The following CAPRIN1 variants were observed in gnomAD, a reference collection of about 807,000 sequenced individuals.
The protein encoded by CAPRIN1 is cell cycle associated protein 1, also known as caprin-1.
Under a neutral mutation model 100.9 loss-of-function variants are expected in CAPRIN1, and 29 were observed. The ratio of observed to expected loss-of-function variants is 0.29; its 90% CI spans 0.21 to 0.39. CAPRIN1 has a LOEUF of 0.39. Ranked by LOEUF, CAPRIN1 falls within the 10% of genes least tolerant of loss-of-function variation. CAPRIN1 has a pLI of 1.00. For synonymous variants in CAPRIN1, 338 were observed against 307.5 expected, an observed-to-expected ratio of 1.10 and a Z score of -1.04; for missense variants, 795 against 876.7, an observed-to-expected ratio of 0.91 and a Z score of 1.18.
intron 2 of CAPRIN1, among the ~76,000 whole-genome samples, chr11:34,062,156 C>G (rs1309406733): frequency 6.6e-6 from 1 of 152,094 alleles, no homozygotes. Context: ...CTTTTGCTTA[C>G]TATCTTTTTT....
intron 4 of CAPRIN1, among the ~76,000 whole-genome samples, chr11:34,073,789 CA>C (rs1378705355): frequency 6.6e-6 from 1 of 151,844 alleles, no homozygotes; most frequent in Non-Finnish European, 1.5e-5. Context: ...TTGCTGAAAA[CA>C]AAAAAAGTAA....
Position 34,082,803 on chromosome 11 carries a change from GCAC to G in CAPRIN1, c.827-19_827-17del. 1 of 1,606,546 alleles carries G rather than the reference GCAC, an allele frequency of 6.2e-7. No individual in the cohort carries two copies. On this transcript the variant is annotated intron_variant, in intron 7 of 18. Transcript: ENST00000341394. The stretch of plus-strand genomic sequence containing the variant: ...ACTGACCTAAAAATCCTTTTGTTTT[GCAC>G]CATTTTTTAACCTCTTAGAACCTGA...
At chr11:34,096,816 A>C (rs935853030) in intron 16 of CAPRIN1, 143 bp downstream of exon 16, 2 of 618,454 alleles carry the variant, frequency 3.2e-6, no homozygotes, top group Non-Finnish European at 5.5e-6. Flanking sequence ...ATATTTTGGT[A>C]CAATTTGTGT....
At chr11:34,090,154 C>CT (rs781309870) in intron 12 of CAPRIN1, 25 bp from the exon 13 acceptor site, 3 of 1,471,942 alleles carry the variant, frequency 2.0e-6, no homozygotes, top group Non-Finnish European at 2.8e-6. Flanking sequence ...CAGGAAGAAG[C>CT]TTTTATTTCT....
intron 2 of CAPRIN1, among the ~76,000 whole-genome samples, chr11:34,057,562 A>G (rs528428148): frequency 7.0e-4 from 107 of 152,328 alleles, no homozygotes; most frequent in African/African-American, 2.4e-3. Context: ...TTAGGGCTAG[A>G]TGAAGACTAG....
chr11:34,076,740 T>G (rs1439772172), intron 6 of CAPRIN1, 98 bp downstream of exon 6: 7 of 863,888 alleles, frequency 8.1e-6, no homozygotes, highest in Non-Finnish European at 1.3e-5. Context: ...AAATTAGTTT[T>G]TTTTTTTTTT....
intron 12 of CAPRIN1, among the ~76,000 whole-genome samples, 197 bp downstream of exon 12, chr11:34,089,653 C>T (rs1851226109): frequency 6.6e-6 from 1 of 152,004 alleles, no homozygotes; most frequent in African/African-American, 2.4e-5. Flanking sequence ...TTAATTGGTT[C>T]CTTGGTTTCT....
chr11:34,068,084 C>G (rs532133048), intron 2 of CAPRIN1, among the ~76,000 whole-genome samples: 1 of 152,054 alleles, frequency 6.6e-6, no homozygotes, highest in African/African-American at 2.4e-5. Flanking sequence ...CTGGGGGCCT[C>G]GTGGGAAGAC....
At chr11:34,063,949 G>A (rs1260385541) in intron 2 of CAPRIN1, among the ~76,000 whole-genome samples, 1 of 151,954 alleles carries the variant, frequency 6.6e-6, no homozygotes, top group African/African-American at 2.4e-5. Flanking sequence ...TGTATTTTTA[G>A]TAGAGACGGG....
intron 2 of CAPRIN1, among the ~76,000 whole-genome samples, chr11:34,069,895 G>C (rs1198088100): frequency 8.2e-6 from 1 of 121,682 alleles, no homozygotes; most frequent in African/African-American, 3.1e-5. Flanking sequence ...AAAGAAAATA[G>C]ATCATTTGAC....
intron 15 of CAPRIN1, among the ~76,000 whole-genome samples, chr11:34,094,124 G>A (rs1477566255): frequency 4.6e-5 from 7 of 152,152 alleles, no homozygotes; most frequent in Non-Finnish European, 2.9e-5. Flanking sequence ...AGGCTGAGGT[G>A]GCAGGATTGC....
chr11:34,087,968 A>T (rs1851182486), intron 11 of CAPRIN1, among the ~76,000 whole-genome samples: 1 of 152,134 alleles, frequency 6.6e-6, no homozygotes, highest in African/African-American at 2.4e-5. Context: ...ATGCATGCTG[A>T]GTTGAATATA....
Position 34,099,807 on chromosome 11 carries a change from G to A in CAPRIN1, c.*440G>A. 1 of 159,250 alleles carries A rather than the reference G, an allele frequency of 6.3e-6. No individual in the cohort carries two copies. The highest frequency in any genetic ancestry group is 1.4e-5 in the Non-Finnish European group (1 of 72,136). The allele number at this position is 159,250 out of a possible 1,614,324, so 9.9% of individuals were successfully genotyped here. On this transcript the variant is annotated 3_prime_UTR_variant, in exon 19 of 19. Coordinates refer to ENST00000341394, the MANE Select transcript of CAPRIN1 (RefSeq NM_005898.5). Reference sequence around the variant, plus strand: ...CCCTAGAAAGGAAGATGAAAGGAGTGGAGTGTGGTTTGGCAGAACAACTGC... The same window carrying A: ...CCCTAGAAAGGAAGATGAAAGGAGTAGAGTGTGGTTTGGCAGAACAACTGC...
At chr11:34,054,375 C>G (rs1237189578) in intron 2 of CAPRIN1, among the ~76,000 whole-genome samples, 3 of 152,026 alleles carry the variant, frequency 2.0e-5, no homozygotes, top group Non-Finnish European at 4.4e-5. Context: ...TGCCCAAGGC[C>G]AGTATCTTCT....
intron 9 of CAPRIN1, among the ~76,000 whole-genome samples, chr11:34,085,238 C>G (rs1046311444): frequency 6.6e-6 from 1 of 152,030 alleles, no homozygotes; most frequent in African/African-American, 2.4e-5. Context: ...TGGGAAAAGG[C>G]TAATAGAGTG....
chr11:34,085,388 A>G (rs1851118582), intron 9 of CAPRIN1, among the ~76,000 whole-genome samples: 1 of 152,256 alleles, frequency 6.6e-6, no homozygotes, highest in Non-Finnish European at 1.5e-5. Flanking sequence ...CCAGGTTGTG[A>G]GATAGATATA....
chr11:34,069,659 A>ATTT (rs1554969447), intron 2 of CAPRIN1, among the ~76,000 whole-genome samples: 1 of 151,756 alleles, frequency 6.6e-6, no homozygotes, highest in Admixed American at 6.6e-5. Context: ...GTAAAAAAAA[A>ATTT]TTTTTTTCCC....
In CAPRIN1 at chr11:34,069,232, C is replaced by G. The variant is rs559254359; in HGVS notation, c.217-2494C>G. Among the ~76,000 whole-genome samples the G allele has an allele frequency of 8.6e-5, 13 of 151,236 alleles. No homozygotes were observed. In the East Asian group the frequency reaches 2.5e-3, roughly 29 times the overall value. ...TGGCATGATCTCAGCTCTCTGCAAC[C>G]TCTGCCTCCCGGGTTCAAGCGATTC... On this transcript the variant is annotated intron_variant, in intron 2 of 18. Coordinates refer to ENST00000341394, the MANE Select transcript of CAPRIN1 (RefSeq NM_005898.5).
At chr11:34,062,642 A>G (rs1005911428) in intron 2 of CAPRIN1, among the ~76,000 whole-genome samples, 9 of 137,356 alleles carry the variant, frequency 6.6e-5, no homozygotes, top group East Asian at 4.3e-4. Context: ...AAAAAAAAAA[A>G]GGAAAACTGC....
Sources: gnomAD v4.1 joint callset for allele counts (sites outside exome capture counted in the v4.1 genomes callset) on GRCh38, gnomAD v4.1.1 for gene constraint, MANE v1.5 for transcripts, NCBI Gene and HGNC (gene_info 2026-07-23, HGNC 2026-07-21) for gene names.